Variants in GNAQ observed in about 807,000 individuals in gnomAD.
GNAQ encodes the protein G protein subunit alpha q.
GNAQ carries 8 observed loss-of-function variants against 43.9 expected under a neutral mutation model. The ratio of observed to expected loss-of-function variants is 0.18; its 90% CI spans 0.11 to 0.33. The LOEUF (loss-of-function observed/expected upper bound fraction) is 0.33. Among genes scored for constraint, GNAQ ranks in the 10% least tolerant of loss-of-function variants. The pLI, the probability that GNAQ is intolerant of heterozygous loss-of-function variation, is 1.00. For missense variants in GNAQ, 158 were observed against 450.8 expected (o/e 0.35, Z 5.88); for synonymous variants, 155 against 170.7 (o/e 0.91, Z 0.71).
At chr9:77,881,115 C>A (rs1828200114) in intron 2 of GNAQ, among the ~76,000 whole-genome samples, 1 of 152,098 alleles carries the variant, frequency 6.6e-6, no homozygotes, top group African/African-American at 2.4e-5. Flanking sequence ...GTCCCAAGCC[C>A]CTGACACTAC....
chr9:77,926,510 G>A (rs533501501), intron 1 of GNAQ, among the ~76,000 whole-genome samples: 1 of 152,236 alleles, frequency 6.6e-6, no homozygotes, highest in South Asian at 2.1e-4. Context: ...AAATAACTCT[G>A]ACCAATCTAA....
At chr9:77,788,821 T>C (rs1408636065) in intron 5 of GNAQ, among the ~76,000 whole-genome samples, 1 of 152,220 alleles carries the variant, frequency 6.6e-6, no homozygotes, top group Non-Finnish European at 1.5e-5. Flanking sequence ...GTTATGGCAC[T>C]GTCACTGAGG....
At chr9:78,005,853 G>A (rs1823699901) in intron 1 of GNAQ, among the ~76,000 whole-genome samples, 1 of 152,174 alleles carries the variant, frequency 6.6e-6, no homozygotes, top group South Asian at 2.1e-4. Context: ...TTGTATCATG[G>A]CTACAATGTA....
At chr9:78,009,748 A>G (rs1353721027) in intron 1 of GNAQ, among the ~76,000 whole-genome samples, 1 of 152,242 alleles carries the variant, frequency 6.6e-6, no homozygotes, top group Non-Finnish European at 1.5e-5. Flanking sequence ...TAAAGTTTAA[A>G]TGAATCTGAT....
At chr9:77,925,964 A>G (rs1458531315) in intron 1 of GNAQ, among the ~76,000 whole-genome samples, 1 of 152,208 alleles carries the variant, frequency 6.6e-6, no homozygotes, top group African/African-American at 2.4e-5. Context: ...AATGCTATGT[A>G]AATAGTTGTC....
In GNAQ at chr9:77,870,814, A is replaced by G. The variant is rs146237314; in HGVS notation, c.321+51347T>C. ...AAAAGGAAAATAAACTGGTACAAGC[A>G]CATTAAAAAAAAAACCTCAAAAACA... is the stretch of plus-strand genomic sequence containing the variant. On this transcript the variant is annotated intron_variant, in intron 2 of 6. Transcript: ENST00000286548. Among the ~76,000 whole-genome samples, 1,100 of 152,284 alleles carry G rather than the reference A, an allele frequency of 7.2e-3. 20 individuals carry two copies. Among genetic ancestry groups the G allele is most frequent in the African/African-American group, 0.025 (1,028 of 41,548 alleles).
intron 2 of GNAQ, among the ~76,000 whole-genome samples, chr9:77,848,223 T>C (rs1325898006): frequency 6.6e-6 from 1 of 152,144 alleles, no homozygotes; most frequent in Non-Finnish European, 1.5e-5. Context: ...AGCTTTCACA[T>C]CTATTAACAC....
intron 1 of GNAQ, among the ~76,000 whole-genome samples, chr9:78,023,786 A>G (rs180985684): frequency 9.7e-4 from 147 of 152,086 alleles, no homozygotes; most frequent in African/African-American, 3.4e-3. Flanking sequence ...TTCCAAAGGG[A>G]AAAAAAATGA....
At chr9:77,880,566 T>G (rs1007934898) in intron 2 of GNAQ, among the ~76,000 whole-genome samples, 5 of 146,184 alleles carry the variant, frequency 3.4e-5, no homozygotes, top group African/African-American at 5.3e-5. Context: ...TTTTTTTTTT[T>G]TTGTTTTTTT....
chr9:77,855,061 C>T (rs1200571344), intron 2 of GNAQ, among the ~76,000 whole-genome samples: 1 of 152,094 alleles, frequency 6.6e-6, no homozygotes, highest in African/African-American at 2.4e-5. Flanking sequence ...CAACATATGA[C>T]AGTATCAATA....
Position 77,857,783 on chromosome 9 carries a change from CT to C in GNAQ, c.322-42014del, listed in dbSNP as rs113349596. The stretch of plus-strand genomic sequence containing the variant: ...TAATAAGAGGGAAGACTTTTATACT[CT>C]TTTTTTTTTCAAGGCCATTTTCTTT... On this transcript the variant is annotated intron_variant, in intron 2 of 6. Transcript: ENST00000286548. 6.7e-3 allele frequency among the ~76,000 whole-genome samples: 965 copies of C among 144,452 alleles called. 5 individuals are homozygous for C. The highest frequency in any genetic ancestry group is 0.023 in the African/African-American group (905 of 39,248). The allele number at this position is 144,452 out of a possible 152,430, so 94.8% of individuals were successfully genotyped here.
chr9:77,901,061 C>A (rs1828605075), intron 2 of GNAQ, among the ~76,000 whole-genome samples: 3 of 152,126 alleles, frequency 2.0e-5, no homozygotes, highest in African/African-American at 7.2e-5. Flanking sequence ...CCTCAAGCTG[C>A]CATTTCTCTT....
chr9:77,833,444 A>C (rs1261115189), intron 2 of GNAQ, among the ~76,000 whole-genome samples: 2 of 152,182 alleles, frequency 1.3e-5, no homozygotes, highest in Non-Finnish European at 1.5e-5. Context: ...GTAAGTTGGC[A>C]CTCAGTCACT....
At chr9:77,966,756 C>T (rs751140439) in intron 1 of GNAQ, among the ~76,000 whole-genome samples, 3 of 152,162 alleles carry the variant, frequency 2.0e-5, no homozygotes, top group East Asian at 1.9e-4. Flanking sequence ...ACTACCAAAT[C>T]GCTTCTTGAA....
At chr9:78,006,594 C>T (rs1823709058) in intron 1 of GNAQ, among the ~76,000 whole-genome samples, 1 of 152,304 alleles carries the variant, frequency 6.6e-6, no homozygotes, top group Non-Finnish European at 1.5e-5. Flanking sequence ...TTTGTTCTTT[C>T]ATTTCCTTCA....
At chr9:77,882,120 A>G (rs1027914172) in intron 2 of GNAQ, among the ~76,000 whole-genome samples, 2 of 152,152 alleles carry the variant, frequency 1.3e-5, no homozygotes, top group Admixed American at 1.3e-4. Flanking sequence ...CCCGGGAGAC[A>G]GAGCAAGACT....
At chr9:77,776,820 C>T (rs1375103828) in intron 5 of GNAQ, among the ~76,000 whole-genome samples, 3 of 151,280 alleles carry the variant, frequency 2.0e-5, no homozygotes, top group African/African-American at 7.3e-5. Flanking sequence ...ATTCCCCAAA[C>T]TGATCTACAT....
chr9:77,744,294 G>A (rs1239087068), intron 5 of GNAQ, among the ~76,000 whole-genome samples: 1 of 152,168 alleles, frequency 6.6e-6, no homozygotes, highest in African/African-American at 2.4e-5. Flanking sequence ...ACTGTGGGAA[G>A]AATGGATCCG....
intron 1 of GNAQ, among the ~76,000 whole-genome samples, chr9:77,945,995 T>C (rs1404273946): frequency 9.2e-5 from 14 of 152,220 alleles, no homozygotes; most frequent in Non-Finnish European, 1.5e-5. Context: ...CAGAAAATGC[T>C]AGCATGCCTT....
Sources: allele counts gnomAD v4.1 joint callset (sites outside exome capture counted in the v4.1 genomes callset), GRCh38; gene constraint gnomAD v4.1.1; transcripts MANE v1.5; gene names NCBI Gene and HGNC (gene_info 2026-07-23, HGNC 2026-07-21).